The following SHISA6 variants were observed in gnomAD, a reference collection of about 807,000 sequenced individuals.
SHISA6 encodes the protein protein shisa-6.
A neutral mutation model predicts 47.9 loss-of-function variants in SHISA6; 22 were observed. The ratio of observed to expected loss-of-function variants is 0.46; its 90% CI spans 0.33 to 0.66. SHISA6 has a LOEUF of 0.66. Ranked by LOEUF, SHISA6 falls within the 30% of genes least tolerant of loss-of-function variation. The pLI is 0.02. For synonymous variants in SHISA6, 388 were observed against 337.8 expected (o/e 1.15, Z -1.63); for missense variants, 680 against 764.6 (o/e 0.89, Z 1.30).
rs1313829217 is a variant in SHISA6 at position 11,369,524 on chromosome 17, G to A, written c.800-9890G>A. The stretch of plus-strand genomic sequence containing the variant: ...AGTCAAGAAACAGAGAGGAAAGCAG[G>A]TCTCAGTTGCCCCATGGGCTAACAC... On this transcript the variant is annotated intron_variant, in intron 2 of 5. Coordinates refer to ENST00000441885, the MANE Select transcript of SHISA6 (RefSeq NM_207386.4). Among the ~76,000 whole-genome samples the A allele has an allele frequency of 2.6e-5, 4 of 152,222 alleles. No individual in the cohort carries two copies. In the South Asian group the frequency reaches 6.2e-4, roughly 24 times the overall value.
At chr17:11,464,610 A>G (rs776253725) in intron 3 of SHISA6, among the ~76,000 whole-genome samples, 22 of 152,138 alleles carry the variant, frequency 1.4e-4, no homozygotes, top group Non-Finnish European at 2.9e-4. Flanking sequence ...GTAGAGGAAG[A>G]CCCTATCATG....
chr17:11,307,084 C>CAA (rs527393125), intron 2 of SHISA6, among the ~76,000 whole-genome samples: 209 of 151,894 alleles, frequency 1.4e-3, no homozygotes, highest in African/African-American at 4.7e-3. Flanking sequence ...TATCTCTTTG[C>CAA]AAAATAACCT....
At position 11,489,804 on chromosome 17, in the gene SHISA6, G is replaced by T. The variant is rs146455831; in HGVS notation, c.896-62092G>T. ...AACTTGGGGATGATGTCAGTTTACT[G>T]GCAACTAGTGGGTAAAAGTCAAGAA... On this transcript the variant is annotated intron_variant, in intron 3 of 5. Transcript: ENST00000441885. Among the ~76,000 whole-genome samples the T allele has an allele frequency of 4.6e-5, 7 of 152,248 alleles. No homozygotes were observed. The East Asian group carries it at 1.4e-3, about 29-fold the overall frequency.
intron 1 of SHISA6, 123 bp downstream of exon 1, chr17:11,242,183 A>C: frequency 1.5e-6 from 2 of 1,313,484 alleles, no homozygotes; most frequent in South Asian, 1.3e-5. Context: ...CATTTCCACC[A>C]TCGCTCCTTT....
At chr17:11,511,084 C>T (rs73286848) in intron 3 of SHISA6, among the ~76,000 whole-genome samples, 9,211 of 152,188 alleles carry the variant, frequency 0.061, 303 homozygotes, top group Middle Eastern at 0.099. Context: ...ATGCCTGGTT[C>T]GCATGGAATG....
At position 11,563,798 on chromosome 17, in the gene SHISA6, A is replaced by G. The variant is rs1361637862; in HGVS notation, c.*5494A>G. On this transcript the variant is annotated 3_prime_UTR_variant, in exon 6 of 6. Coordinates refer to ENST00000441885, the MANE Select transcript of SHISA6 (RefSeq NM_207386.4). ...TGCATTAGCCCAATTTATGAATTCC[A>G]TGTTTATTATATGGTAGTACTGATG... 1 of 152,200 alleles carries G rather than the reference A, an allele frequency of 6.6e-6. No homozygotes were observed. Among genetic ancestry groups the G allele is most frequent in the Non-Finnish European group, 1.5e-5 (1 of 68,030 alleles). The allele number at this position is 152,200 out of a possible 1,614,324, so 9.4% of individuals were successfully genotyped here.
intron 3 of SHISA6, among the ~76,000 whole-genome samples, chr17:11,444,524 A>C (rs540274733): frequency 6.6e-6 from 1 of 152,236 alleles, no homozygotes; most frequent in South Asian, 2.1e-4. Context: ...AGTACAGGTC[A>C]CTCACCAGGG....
At chr17:11,441,490 T>C (rs1915091259) in intron 3 of SHISA6, among the ~76,000 whole-genome samples, 1 of 152,208 alleles carries the variant, frequency 6.6e-6, no homozygotes, top group Non-Finnish European at 1.5e-5. Flanking sequence ...CACTAGAACA[T>C]ATGCTTCGTG....
intron 3 of SHISA6, among the ~76,000 whole-genome samples, chr17:11,522,603 C>G (rs914431711): frequency 6.6e-6 from 1 of 152,144 alleles, no homozygotes; most frequent in African/African-American, 2.4e-5. Flanking sequence ...CTATGTTCAT[C>G]TCCTTTATTC....
chr17:11,382,433 C>G (rs1356374987), intron 3 of SHISA6, among the ~76,000 whole-genome samples: 4 of 152,098 alleles, frequency 2.6e-5, no homozygotes, highest in African/African-American at 9.7e-5. Flanking sequence ...GCTGGGATCT[C>G]TGGAAAAGGG....
intron 3 of SHISA6, among the ~76,000 whole-genome samples, chr17:11,526,895 ATATATATATATATATATATATATAT>A (rs971609935): frequency 5.2e-4 from 8 of 15,398 alleles, no homozygotes; most frequent in African/African-American, 3.1e-3. Flanking sequence ...ATATATATAT[ATATATATATATATATATATATATAT>A]ATATATATAT....
chr17:11,403,059 C>T (rs563177176), intron 3 of SHISA6, among the ~76,000 whole-genome samples: 45 of 152,330 alleles, frequency 3.0e-4, no homozygotes, highest in South Asian at 1.9e-3. Flanking sequence ...CCCCATGTGG[C>T]TTGGGATCCC....
intron 3 of SHISA6, among the ~76,000 whole-genome samples, chr17:11,528,982 G>A (rs903403112): frequency 4.6e-5 from 7 of 152,086 alleles, no homozygotes; most frequent in Non-Finnish European, 8.8e-5. Flanking sequence ...CACGAGGTCG[G>A]GAGTTCGAGA....
intron 3 of SHISA6, among the ~76,000 whole-genome samples, chr17:11,514,460 A>C (rs1256288634): frequency 2.0e-5 from 3 of 152,158 alleles, no homozygotes; most frequent in Non-Finnish European, 4.4e-5. Context: ...ATCCTTCTTC[A>C]TAGAATTGCC....
chr17:11,400,013 C>A (rs973566834), intron 3 of SHISA6, among the ~76,000 whole-genome samples: 37 of 152,308 alleles, frequency 2.4e-4, no homozygotes, highest in African/African-American at 8.9e-4. Flanking sequence ...TGCTAGATTA[C>A]AGTTTCTTTT....
intron 2 of SHISA6, among the ~76,000 whole-genome samples, chr17:11,349,442 T>C (rs1223959238): frequency 6.6e-6 from 1 of 152,242 alleles, no homozygotes; most frequent in East Asian, 1.9e-4. Flanking sequence ...TTTTCTGTGC[T>C]TGGTTAGCAG....
At chr17:11,278,447 C>T (rs949956864) in intron 2 of SHISA6, among the ~76,000 whole-genome samples, 4 of 152,166 alleles carry the variant, frequency 2.6e-5, no homozygotes, top group African/African-American at 9.7e-5. Flanking sequence ...GTCTCCTCGC[C>T]CATATGTGTT....
At chr17:11,265,190 G>A (rs1243412393) in intron 2 of SHISA6, among the ~76,000 whole-genome samples, 2 of 152,192 alleles carry the variant, frequency 1.3e-5, no homozygotes, top group East Asian at 3.8e-4. Context: ...GATGGTGCTG[G>A]CATCACATTA....
At chr17:11,548,572 A>G (rs1019980592) in intron 3 of SHISA6, among the ~76,000 whole-genome samples, 19 of 152,240 alleles carry the variant, frequency 1.2e-4, no homozygotes, top group African/African-American at 4.1e-4. Context: ...GAGGAAATCT[A>G]TCAATCTACC....
Sources: allele counts gnomAD v4.1 joint callset (sites outside exome capture counted in the v4.1 genomes callset), GRCh38; gene constraint gnomAD v4.1.1; transcripts MANE v1.5; gene names NCBI Gene and HGNC (gene_info 2026-07-23, HGNC 2026-07-21).